The following NCKAP5 variants were observed in gnomAD, a reference collection of about 807,000 sequenced individuals.
NCKAP5 encodes the protein NCK associated protein 5, also known as nck-associated protein 5.
Under a neutral mutation model 167.0 loss-of-function variants are expected in NCKAP5, and 92 were observed. That is an observed-to-expected ratio of 0.55 (90% CI 0.47 to 0.66). NCKAP5 has a LOEUF of 0.66. NCKAP5 is among the 30% of genes least tolerant of loss of function. NCKAP5 has a pLI of 0.00. For missense variants in NCKAP5, 2,378 were observed against 2,315.0 expected, an observed-to-expected ratio of 1.03 and a Z score of -0.56; for synonymous variants, 891 against 877.4, an observed-to-expected ratio of 1.02 and a Z score of -0.27.
At chr2:133,405,344 G>GGCACATCA (rs774317344) in intron 3 of NCKAP5, among the ~76,000 whole-genome samples, 7 of 152,240 alleles carry the variant, frequency 4.6e-5, no homozygotes, top group Admixed American at 6.5e-5. Context: ...TTCTACATAA[G>GGCACATCA]GCACATCACA....
At chr2:132,721,225 T>A (rs1448098380) in intron 19 of NCKAP5, among the ~76,000 whole-genome samples, 2 of 152,020 alleles carry the variant, frequency 1.3e-5, no homozygotes, top group African/African-American at 4.8e-5. Context: ...GGAGAATCGC[T>A]TCAACCCAAG....
intron 19 of NCKAP5, among the ~76,000 whole-genome samples, chr2:132,694,085 G>A (rs1322173898): frequency 6.7e-6 from 1 of 148,714 alleles, no homozygotes; most frequent in East Asian, 2.0e-4. Context: ...ATGGGAAAAG[G>A]AAGACAAGTT....
At chr2:133,007,123 G>T (rs1322981471) in intron 6 of NCKAP5, among the ~76,000 whole-genome samples, 1 of 152,196 alleles carries the variant, frequency 6.6e-6, no homozygotes, top group Non-Finnish European at 1.5e-5. Flanking sequence ...CGTAGGTGGA[G>T]CTCAGCGGAG....
rs769095 is a variant in NCKAP5, at chr2:132,761,821, T to C, written c.5128+11995A>G. 9.9e-3 allele frequency among the ~76,000 whole-genome samples: 1,503 copies of C among 152,308 alleles called. 31 individuals are homozygous for C. The highest frequency in any genetic ancestry group is 0.034 in the African/African-American group (1,425 of 41,566). On this transcript the variant is annotated intron_variant, in intron 16 of 19. Coordinates refer to ENST00000409261, the MANE Select transcript of NCKAP5 (RefSeq NM_207363.3). ...CCTAGAACAGGTCATGTTCCCTATA[T>C]ACCTCAAATCCCCATCATCACTCAT...
At chr2:133,654,866 G>A in the NCKAP5 span, among the ~76,000 whole-genome samples, 1 of 152,184 alleles carries the variant, frequency 6.6e-6, no homozygotes, top group Non-Finnish European at 1.5e-5. Context: ...TACTCTTGGA[G>A]ATGCCATAAC....
At chr2:133,356,501 T>C (rs1559412095) in intron 3 of NCKAP5, among the ~76,000 whole-genome samples, 1 of 152,236 alleles carries the variant, frequency 6.6e-6, no homozygotes, top group Non-Finnish European at 1.5e-5. Context: ...GAGAATTCAA[T>C]GGCATGATGT....
At chr2:133,328,879 G>A (rs563058852) in intron 3 of NCKAP5, among the ~76,000 whole-genome samples, 5 of 152,118 alleles carry the variant, frequency 3.3e-5, no homozygotes, top group East Asian at 1.9e-4. Flanking sequence ...AAAAACTTGC[G>A]GCAATCATAA....
intron 8 of NCKAP5, among the ~76,000 whole-genome samples, chr2:132,935,806 GC>G (rs1696797531): frequency 6.6e-6 from 1 of 152,044 alleles, no homozygotes; most frequent in South Asian, 2.1e-4. Flanking sequence ...GAGTTCAAAG[GC>G]CATGCCAATG....
intron 2 of NCKAP5, among the ~76,000 whole-genome samples, chr2:133,556,999 T>C (rs1687786794): frequency 6.6e-6 from 1 of 152,348 alleles, no homozygotes; most frequent in South Asian, 2.1e-4. Flanking sequence ...ATTCCTGTAG[T>C]TAGTGGTATC....
intron 6 of NCKAP5, among the ~76,000 whole-genome samples, chr2:133,110,893 G>A (rs1201759377): frequency 6.6e-6 from 1 of 152,138 alleles, no homozygotes; most frequent in African/African-American, 2.4e-5. Flanking sequence ...GGGATCTGGG[G>A]AAGCCTCTCT....
intron 3 of NCKAP5, among the ~76,000 whole-genome samples, chr2:133,478,441 G>A (rs13399787): frequency 0.077 from 11,704 of 152,048 alleles, 564 homozygotes; most frequent in South Asian, 0.16. Flanking sequence ...ACTAGCACTG[G>A]GATCTTGAAC....
At chr2:132,744,880 T>C (rs1165188384) in intron 16 of NCKAP5, among the ~76,000 whole-genome samples, 1 of 151,794 alleles carries the variant, frequency 6.6e-6, no homozygotes, top group Admixed American at 6.6e-5. Context: ...GGAAATATTT[T>C]TTGAGAAATC....
At chr2:132,981,038 T>G (rs541063719) in intron 7 of NCKAP5, among the ~76,000 whole-genome samples, 8 of 152,270 alleles carry the variant, frequency 5.3e-5, no homozygotes, top group Admixed American at 2.6e-4. Context: ...TGTGCTAATT[T>G]ATTAATTTAA....
At chr2:132,847,244 ATATAAT>A (rs1688730276) in intron 11 of NCKAP5, among the ~76,000 whole-genome samples, 1 of 152,222 alleles carries the variant, frequency 6.6e-6, no homozygotes, top group African/African-American at 2.4e-5. Context: ...TAAAGGAATA[ATATAAT>A]TAAATAGTTA....
chr2:133,107,161 C>T (rs2081734442), intron 6 of NCKAP5, among the ~76,000 whole-genome samples: 1 of 152,178 alleles, frequency 6.6e-6, no homozygotes. Flanking sequence ...GCAAACTCTT[C>T]ACACTAGACC....
rs192847365 is a variant in NCKAP5 at position 133,241,509 on chromosome 2, G to A, written c.144-27730C>T. ...ATCTAGTACTTAGCAATGAATGCAA[G>A]TCATAGCCCTGGCACTGACATTCAT... On this transcript the variant is annotated intron_variant, in intron 4 of 19. Transcript: ENST00000409261. Among the ~76,000 whole-genome samples the A allele has an allele frequency of 1.9e-3, 286 of 152,308 alleles. 5 individuals are homozygous for A. The highest frequency in any genetic ancestry group is 0.017 in the Admixed American group (254 of 15,298).
chr2:133,618,609 C>A, the NCKAP5 span, among the ~76,000 whole-genome samples: 2 of 151,956 alleles, frequency 1.3e-5, no homozygotes, highest in Admixed American at 6.6e-5. Flanking sequence ...AATGAGATAC[C>A]ATCTCATACC....
intron 5 of NCKAP5, among the ~76,000 whole-genome samples, chr2:133,165,003 C>G (rs2083941785): frequency 1.3e-5 from 2 of 152,180 alleles, no homozygotes; most frequent in Non-Finnish European, 2.9e-5. Context: ...CAGTGGTTCT[C>G]AAATGAGGAT....
intron 4 of NCKAP5, among the ~76,000 whole-genome samples, chr2:133,272,509 G>A (rs902034545): frequency 3.3e-5 from 5 of 152,028 alleles, no homozygotes; most frequent in South Asian, 4.2e-4. Flanking sequence ...AATAATCCAC[G>A]GAATCTTGAA....
Sources: gnomAD v4.1 joint callset for allele counts (sites outside exome capture counted in the v4.1 genomes callset) on GRCh38, gnomAD v4.1.1 for gene constraint, MANE v1.5 for transcripts, NCBI Gene and HGNC (gene_info 2026-07-23, HGNC 2026-07-21) for gene names.